SND1: variants seen among roughly 807,000 people sequenced by gnomAD.
SND1 encodes staphylococcal nuclease domain-containing protein 1.
Under a neutral mutation model 121.7 loss-of-function variants are expected in SND1, and 38 were observed. That is an observed-to-expected ratio of 0.31 (90% CI 0.24 to 0.41). The LOEUF is 0.41. SND1 is among the 10% of genes least tolerant of loss of function. The pLI is 1.00. For missense variants in SND1, 868 were observed against 1,184.6 expected, an observed-to-expected ratio of 0.73 and a Z score of 3.92; for synonymous variants, 401 against 447.4, an observed-to-expected ratio of 0.90 and a Z score of 1.31.
intron 16 of SND1, among the ~76,000 whole-genome samples, chr7:128,064,645 G>A (rs773883063): frequency 1.3e-5 from 2 of 152,174 alleles, no homozygotes; most frequent in Admixed American, 6.5e-5. Flanking sequence ...TGAAGTGAGC[G>A]CTGCACTAGA....
chr7:127,773,058 C>A (rs900881142), intron 10 of SND1, among the ~76,000 whole-genome samples: 2 of 152,174 alleles, frequency 1.3e-5, no homozygotes, highest in Admixed American at 1.3e-4. Context: ...ACAGTGAAAG[C>A]TTTTTCATTT....
chr7:127,763,523 T>G (rs1797343258), intron 10 of SND1, among the ~76,000 whole-genome samples: 1 of 152,162 alleles, frequency 6.6e-6, no homozygotes, highest in African/African-American at 2.4e-5. Context: ...ATTTTTTTAT[T>G]TTTTGAAGAG....
At chr7:127,874,703 A>G (rs2116706259) in intron 12 of SND1, among the ~76,000 whole-genome samples, 1 of 152,280 alleles carries the variant, frequency 6.6e-6, no homozygotes, top group East Asian at 1.9e-4. Context: ...TCCTGAGAAA[A>G]AAGAAGGGGT....
chr7:127,673,592 G>A (rs572982221), intron 1 of SND1, among the ~76,000 whole-genome samples: 7 of 152,312 alleles, frequency 4.6e-5, no homozygotes, highest in South Asian at 2.1e-4. Context: ...GATTACAGGC[G>A]TGAGCCACTG....
chr7:127,858,792 T>C (rs1038941091), intron 12 of SND1, among the ~76,000 whole-genome samples: 1 of 152,246 alleles, frequency 6.6e-6, no homozygotes, highest in Admixed American at 6.5e-5. Context: ...AAGTATCTTC[T>C]GACAAATTTG....
At chr7:127,753,962 A>G (rs1312622893) in intron 10 of SND1, among the ~76,000 whole-genome samples, 1 of 152,208 alleles carries the variant, frequency 6.6e-6, no homozygotes, top group African/African-American at 2.4e-5. Flanking sequence ...ATTAGCTTTC[A>G]CTAAAGTCCC....
chr7:127,697,361 A>C (rs1031270889), intron 3 of SND1, among the ~76,000 whole-genome samples: 2 of 152,160 alleles, frequency 1.3e-5, no homozygotes, highest in African/African-American at 4.8e-5. Flanking sequence ...CACTTTTTAG[A>C]AGTGGGCCAT....
chr7:127,987,283 A>T (rs1802414822), intron 15 of SND1, among the ~76,000 whole-genome samples: 1 of 151,976 alleles, frequency 6.6e-6, no homozygotes, highest in Admixed American at 6.6e-5. Flanking sequence ...CTTTCCCTTC[A>T]TCTGTTTTCT....
At position 128,029,497 on chromosome 7, in the gene SND1, C is replaced by T. The variant is rs1404860761; in HGVS notation, c.1779+38441C>T. 4 of 1,613,958 alleles carry T rather than the reference C, an allele frequency of 2.5e-6. No homozygotes were observed. The African/African-American group carries it at 5.3e-5, about 22-fold the overall frequency. On this transcript the variant is annotated intron_variant, in intron 16 of 23. Coordinates refer to ENST00000354725, the MANE Select transcript of SND1 (RefSeq NM_014390.4). The surrounding 1 kb of genome is among the most constrained non-coding windows in gnomAD (Gnocchi z 4.2). Reference sequence around the variant, plus strand: ...GTCCCATTGGGCAGCAACCACTTCACGGAGGACATAGGGGGAGTCCGACAC... The same window carrying T: ...GTCCCATTGGGCAGCAACCACTTCATGGAGGACATAGGGGGAGTCCGACAC...
At chr7:127,800,235 T>G (rs1009527831) in intron 10 of SND1, among the ~76,000 whole-genome samples, 1 of 152,258 alleles carries the variant, frequency 6.6e-6, no homozygotes, top group Non-Finnish European at 1.5e-5. Context: ...GTTTGAAATC[T>G]TACCCATTTT....
At chr7:128,009,825 C>T (rs1161435151) in intron 16 of SND1, among the ~76,000 whole-genome samples, 1 of 151,556 alleles carries the variant, frequency 6.6e-6, no homozygotes, top group African/African-American at 2.4e-5. Flanking sequence ...CAAACTTCCA[C>T]ATTTTTTCAT....
intron 20 of SND1, 181 bp from the exon 21 acceptor site, chr7:128,086,757 C>T (rs190163498): frequency 1.4e-5 from 9 of 639,996 alleles, no homozygotes; most frequent in East Asian, 5.5e-5. Context: ...CAGCAGGGCA[C>T]GTTCTCTCCA....
At chr7:127,667,571 T>G (rs1194572845) in intron 1 of SND1, among the ~76,000 whole-genome samples, 1 of 152,150 alleles carries the variant, frequency 6.6e-6, no homozygotes, top group Non-Finnish European at 1.5e-5. Flanking sequence ...GCAGCTGCTG[T>G]GCTTCTCTCC....
At chr7:127,762,364 C>T (rs1797320080) in intron 10 of SND1, among the ~76,000 whole-genome samples, 1 of 152,192 alleles carries the variant, frequency 6.6e-6, no homozygotes, top group African/African-American at 2.4e-5. Flanking sequence ...TGAGACCTCT[C>T]TTATTGGTTT....
At chr7:127,652,834 A>G (rs1795146051) in intron 1 of SND1, among the ~76,000 whole-genome samples, 1 of 152,214 alleles carries the variant, frequency 6.6e-6, no homozygotes, top group Non-Finnish European at 1.5e-5. Context: ...AGATCCTGAC[A>G]TCGGCTCTTC....
chr7:128,032,037 C>T (rs865907454), intron 16 of SND1: 2 of 151,834 alleles, frequency 1.3e-5, no homozygotes, highest in African/African-American at 2.4e-5. Flanking sequence ...GCGCCGGGCT[C>T]GCGGTGTTGC....
At position 128,089,472 on chromosome 7, in the gene SND1, G is replaced by C. The variant is rs374429067; in HGVS notation, c.2419-17G>C. 20 of 1,602,362 alleles carry C rather than the reference G, an allele frequency of 1.2e-5. No homozygotes were observed. The African/African-American group carries it at 2.5e-4, about 20-fold the overall frequency. Reference sequence around the variant, plus strand: ...TGTTCTCTGGCTTGCTCTGACCTGAGTGTGTCTCTGCTCCAGGATGATGCC... The same window carrying C: ...TGTTCTCTGGCTTGCTCTGACCTGACTGTGTCTCTGCTCCAGGATGATGCC... On this transcript the variant is annotated splice_polypyrimidine_tract_variant and intron_variant, in intron 21 of 23. Coordinates refer to ENST00000354725, the MANE Select transcript of SND1 (RefSeq NM_014390.4).
chr7:128,080,994 CT>C (rs1286407782), intron 17 of SND1, among the ~76,000 whole-genome samples: 17 of 149,138 alleles, frequency 1.1e-4, no homozygotes, highest in Admixed American at 1.3e-4. Context: ...TTCCCAGTGT[CT>C]TTTTTTTTTC....
intron 10 of SND1, among the ~76,000 whole-genome samples, chr7:127,746,634 T>C (rs1796987913): frequency 6.6e-6 from 1 of 152,190 alleles, no homozygotes; most frequent in African/African-American, 2.4e-5. Context: ...CCTTATTTCA[T>C]TGGGAGATAT....
Sources: gnomAD v4.1 joint callset for allele counts (sites outside exome capture counted in the v4.1 genomes callset) on GRCh38, gnomAD v4.1.1 for gene constraint, Gnocchi (gnomAD v3.1) non-coding constraint, MANE v1.5 for transcripts, NCBI Gene and HGNC (gene_info 2026-07-23, HGNC 2026-07-21) for gene names.